Variants in CDT1 observed in about 807,000 individuals in gnomAD.
CDT1 encodes the protein DNA replication factor Cdt1.
A neutral mutation model predicts 49.3 loss-of-function variants in CDT1; 66 were observed. That is an observed-to-expected ratio of 1.34 (90% CI 1.10 to 1.64). The LOEUF (loss-of-function observed/expected upper bound fraction) is 1.64. CDT1 is among the 40% of genes most tolerant of loss of function. CDT1 has a pLI of 0.00. For missense variants in CDT1, 958 were observed against 807.7 expected, an observed-to-expected ratio of 1.19 and a Z score of -2.26; for synonymous variants, 424 against 347.4, an observed-to-expected ratio of 1.22 and a Z score of -2.45.
intron 9 of CDT1, 78 bp from the exon 10 acceptor site, chr16:88,808,036 TG>T: frequency 6.7e-7 from 1 of 1,500,490 alleles, no homozygotes; most frequent in Non-Finnish European, 9.1e-7. Flanking sequence ...AGAGGTTGGG[TG>T]GTCAGGCTGG....
intron 1 of CDT1, 56 bp downstream of exon 1, chr16:88,804,115 C>CG (rs1908754966): frequency 8.9e-6 from 9 of 1,010,472 alleles, no homozygotes; most frequent in Non-Finnish European, 1.0e-5. Context: ...GACTGAGGCC[C>CG]GGGGGGCAGG....
rs777128844 is a variant in CDT1, at chr16:88,807,151, C to T, written c.1223C>T (p.Pro408Leu). The change falls in exon 8 of 10, where the codon CCT (proline) becomes CTT (leucine). Residue 408 changes from proline to leucine, a missense_variant. Pro to Leu is a moderately conservative substitution (Grantham distance 98). Coordinates refer to ENST00000301019, the MANE Select transcript of CDT1 (RefSeq NM_030928.4). ...CCGGCTACCCCACCAGCCACCCCGC[C>T]TGCAGCCTCTCCCAGTGCTCTGAAG... The part of the protein sequence containing the change: ...ALPATPPATP[P>L]AASPSALKGV... 14 of 1,612,490 alleles carry T rather than the reference C, an allele frequency of 8.7e-6. No homozygotes were observed. Among genetic ancestry groups the T allele is most frequent in the Middle Eastern group, 3.3e-4 (2 of 6,080 alleles).
chr16:88,804,178 C>T (rs1908757197), intron 1 of CDT1, 119 bp downstream of exon 1: 1 of 615,808 alleles, frequency 1.6e-6, no homozygotes, highest in African/African-American at 2.0e-5. Context: ...GCGGGGGGGA[C>T]GGGGCGCAGG....
chr16:88,808,335 C>A lies in CDT1; in HGVS notation c.*57C>A, dbSNP rs747906511. 5.7e-5 allele frequency: 86 copies of A among 1,521,770 alleles called. No individual in the cohort carries two copies. The highest frequency in any genetic ancestry group is 7.5e-5 in the Non-Finnish European group (85 of 1,129,164). The allele number at this position is 1,521,770 out of a possible 1,614,324, so 94.3% of individuals were successfully genotyped here. A position where few individuals can be genotyped will look rare whatever the true frequency, so the allele number is the denominator to read the frequency against. ...TCAGAAGCTCGCTGGCCTGGGCCCA[C>A]CAGCATTTTCTTTTATGAACATGAT... is the stretch of plus-strand genomic sequence containing the variant. On this transcript the variant is annotated 3_prime_UTR_variant, in exon 10 of 10. Coordinates refer to ENST00000301019, the MANE Select transcript of CDT1 (RefSeq NM_030928.4).
intron 9 of CDT1, among the ~76,000 whole-genome samples, 173 bp downstream of exon 9, chr16:88,807,655 A>G (rs1286423879): frequency 6.6e-6 from 1 of 151,952 alleles, no homozygotes; most frequent in Non-Finnish European, 1.5e-5. Context: ...CCTTGGAGCC[A>G]CCCCTGAGCC....
chr16:88,808,113 A>C lies in CDT1; in HGVS notation c.1478-2A>C. 1 of 1,612,168 alleles carries C rather than the reference A, an allele frequency of 6.2e-7. No homozygotes were observed. Among genetic ancestry groups the C allele is most frequent in the Non-Finnish European group, 8.5e-7 (1 of 1,179,708 alleles). ...CCTCAGTGTCCTCCTCTCCTCCCCC[A>C]GGGGAAATGGAGAAGCACCTGCTGC... On this transcript the variant is annotated splice_acceptor_variant, in intron 9 of 9. Coordinates refer to ENST00000301019, the MANE Select transcript of CDT1 (RefSeq NM_030928.4). LOFTEE classifies it high-confidence loss of function.
At chr16:88,806,406 G>A (rs1260411724) in intron 6 of CDT1, 80 bp from the exon 7 acceptor site, 13 of 1,517,556 alleles carry the variant, frequency 8.6e-6, no homozygotes, top group Admixed American at 5.5e-5. Flanking sequence ...CGGCTGGGAC[G>A]TAAGCACAGG....
At position 88,804,796 on chromosome 16, in the gene CDT1, G is replaced by T; in HGVS notation, c.386G>T (p.Arg129Leu). 6.2e-7 allele frequency: 1 copy of T among 1,612,766 alleles called. No homozygotes were observed. The highest frequency in any genetic ancestry group is 8.5e-7 in the Non-Finnish European group (1 of 1,179,876). Reference protein sequence around the residue: ...TISELASCLQRARELGARVRA... With the variant: ...TISELASCLQLARELGARVRA... ...TCTGAGCTTGCGTCATGCCTGCAAC[G>T]GGCCCGGGAGCTGGGGGCAAGAGTC... The change falls in exon 3 of 10, where the codon CGG becomes CTG. Residue 129 changes from arginine to leucine, a missense_variant. Coordinates refer to ENST00000301019, the MANE Select transcript of CDT1 (RefSeq NM_030928.4).
intron 3 of CDT1, 58 bp from the exon 4 acceptor site, chr16:88,805,382 G>T: frequency 6.3e-7 from 1 of 1,598,360 alleles, no homozygotes; most frequent in Non-Finnish European, 8.5e-7. Context: ...GGGGCCTGCT[G>T]TGGCGTTGGA....
intron 4 of CDT1, 31 bp from the exon 5 acceptor site, chr16:88,805,693 T>G: frequency 6.2e-7 from 1 of 1,612,692 alleles, no homozygotes; most frequent in Non-Finnish European, 8.5e-7. Context: ...GGCCCGGGCC[T>G]GCCTCCTGAG....
Position 88,807,459 on chromosome 16 carries a change from G to C in CDT1, c.1454G>C (p.Ser485Thr). 1 of 1,613,152 alleles carries C rather than the reference G, an allele frequency of 6.2e-7. No individual in the cohort carries two copies. The highest frequency in any genetic ancestry group is 1.7e-5 in the Admixed American group (1 of 60,028). Reference sequence around the variant, plus strand: ...GTGGCCTGTGCCAGGATGGTGGGCAGCTGTTGTACTATCATGAGCCCTGGT... The same window carrying C: ...GTGGCCTGTGCCAGGATGGTGGGCACCTGTTGTACTATCATGAGCCCTGGT... ...MEVACARMVGSCCTIMSPGEM... is the reference protein window; with the variant it reads ...MEVACARMVGTCCTIMSPGEM... Residue 485 changes from serine (S) to threonine (T), a missense_variant, in exon 9 of 10, where the codon AGC (serine) becomes ACC (threonine). Physicochemically the swap from Ser to Thr is moderately conservative, Grantham distance 58. Transcript: ENST00000301019.
At chr16:88,806,235 G>T in intron 6 of CDT1, 114 bp downstream of exon 6, 1 of 1,143,086 alleles carries the variant, frequency 8.7e-7, no homozygotes, top group Non-Finnish European at 1.3e-6. Context: ...GATGGAACTG[G>T]GCTGGGTTCA....
intron 7 of CDT1, 110 bp from the exon 8 acceptor site, chr16:88,806,941 C>A (rs894435948): frequency 1.4e-6 from 2 of 1,442,356 alleles, no homozygotes; most frequent in African/African-American, 2.8e-5. Flanking sequence ...ACAGACCACC[C>A]AGTGTGCTGG....
Position 88,806,692 on chromosome 16 carries a change from G to T in CDT1, c.1122+18G>T. The stretch of plus-strand genomic sequence containing the variant: ...CACCCAGGGTGAGACTGCGAGGCTT[G>T]GGCAGCCCATTTCTCCCGGGTGGGT... On this transcript the variant is annotated intron_variant, in intron 7 of 9. Coordinates refer to ENST00000301019, the MANE Select transcript of CDT1 (RefSeq NM_030928.4). The T allele has an allele frequency of 1.3e-6, 2 of 1,579,758 alleles. No individual in the cohort carries two copies. Among genetic ancestry groups the T allele is most frequent in the South Asian group, 1.1e-5 (1 of 87,088 alleles).
Position 88,807,090 on chromosome 16 carries a change from G to A in CDT1, c.1162G>A (p.Ala388Thr). Reference sequence around the variant, plus strand: ...GAGTCAATTGGCCCTGCGCTCTGCTGCGCCCAGCAGCCCCGGGTCTCCCAG... The same window carrying A: ...GAGTCAATTGGCCCTGCGCTCTGCTACGCCCAGCAGCCCCGGGTCTCCCAG... ...ALSQLALRSA[A>T]PSSPGSPRPA... Residue 388 changes from alanine (A) to threonine (T), a missense_variant, in exon 8 of 10, where the codon GCG (alanine) becomes ACG (threonine). By Grantham distance (58) the Ala-to-Thr change is moderately conservative. Coordinates refer to ENST00000301019, the MANE Select transcript of CDT1 (RefSeq NM_030928.4). The A allele has an allele frequency of 1.9e-6, 3 of 1,612,832 alleles. No individual in the cohort carries two copies. Among genetic ancestry groups the A allele is most frequent in the African/African-American group, 1.3e-5 (1 of 75,052 alleles).
In CDT1 at chr16:88,808,405, A is replaced by G; in HGVS notation, c.*127A>G. The G allele has an allele frequency of 8.8e-7, 1 of 1,142,102 alleles. No homozygotes were observed. The highest frequency in any genetic ancestry group is 1.2e-6 in the Non-Finnish European group (1 of 813,330). The allele number at this position is 1,142,102 out of a possible 1,614,324, so 70.7% of individuals were successfully genotyped here. A position where few individuals can be genotyped will look rare whatever the true frequency, so the allele number is the denominator to read the frequency against. The stretch of plus-strand genomic sequence containing the variant: ...CCCAGCGCCCCTGAGGGCCAGAGGC[A>G]GATGTGGGCTGCAGGCTGCACAGCC... On this transcript the variant is annotated 3_prime_UTR_variant, in exon 10 of 10. Transcript: ENST00000301019.
rs532377260 is a variant in CDT1 at position 88,804,726 on chromosome 16, T to C, written c.352-36T>C. On this transcript the variant is annotated intron_variant, in intron 2 of 9. Transcript: ENST00000301019. ...GCTGAGTGGTGCCGGCCTGCCTGCC[T>C]GCCTGACGGCACCGTGTCCCCTGAT... is the stretch of plus-strand genomic sequence containing the variant. 5.7e-5 allele frequency: 92 copies of C among 1,612,712 alleles called. 2 individuals are homozygous for C. The South Asian group carries it at 8.9e-4, about 16-fold the overall frequency.
In CDT1 at chr16:88,808,591, A is replaced by G. The variant is rs1597507462; in HGVS notation, c.*313A>G. 2.3e-6 allele frequency: 1 copy of G among 439,860 alleles called. No homozygotes were observed. Among genetic ancestry groups the G allele is most frequent in the South Asian group, 2.7e-5 (1 of 36,686 alleles). 27.2% of individuals were successfully genotyped at this position (439,860 alleles called of 1,614,324 possible). ...GCCATCGGGAGTGTGGCTGGGGGTGAAGGGGGCTCTGTGGCAATATGGGGT... is the reference window on the plus strand; with the variant it reads ...GCCATCGGGAGTGTGGCTGGGGGTGGAGGGGGCTCTGTGGCAATATGGGGT... On this transcript the variant is annotated 3_prime_UTR_variant, in exon 10 of 10. Coordinates refer to ENST00000301019, the MANE Select transcript of CDT1 (RefSeq NM_030928.4).
chr16:88,805,525 G>A lies in CDT1; in HGVS notation c.574G>A (p.Val192Met), dbSNP rs750567415. ...PGLVLPYKYQ[V>M]LAEMFRSMDT... Reference sequence around the variant, plus strand: ...ACTCGTGCTGCCCTACAAGTACCAGGTGCTGGCGGAGATGTTCCGCAGCAT... The same window carrying A: ...ACTCGTGCTGCCCTACAAGTACCAGATGCTGGCGGAGATGTTCCGCAGCAT... Residue 192 changes from valine to methionine, a missense_variant, in exon 4 of 10, where the codon GTG (valine) becomes ATG (methionine). Physicochemically the swap from Val to Met is conservative, Grantham distance 21 (BLOSUM62 1). Transcript: ENST00000301019. 22 of 1,612,798 alleles carry A rather than the reference G, an allele frequency of 1.4e-5. No homozygotes were observed. The highest frequency in any genetic ancestry group is 1.7e-5 in the Non-Finnish European group (20 of 1,179,980).
Sources: allele counts gnomAD v4.1 joint callset (sites outside exome capture counted in the v4.1 genomes callset), GRCh38; gene constraint gnomAD v4.1.1; transcripts MANE v1.5; gene names NCBI Gene and HGNC (gene_info 2026-07-23, HGNC 2026-07-21).